ZNF536: variants seen among roughly 807,000 people sequenced by gnomAD.
The protein encoded by ZNF536 is zinc finger protein 536.
Under a neutral mutation model 84.5 loss-of-function variants are expected in ZNF536, and 13 were observed. The ratio of observed to expected loss-of-function variants is 0.15; its 90% CI spans 0.10 to 0.24. The LOEUF (loss-of-function observed/expected upper bound fraction) is 0.24, where lower values mean the gene tolerates loss of function less well. ZNF536 is among the 10% of genes least tolerant of loss of function. ZNF536 has a pLI of 1.00. For missense variants in ZNF536, 1,536 were observed against 1,747.5 expected, an observed-to-expected ratio of 0.88 and a Z score of 2.16; for synonymous variants, 811 against 742.5, an observed-to-expected ratio of 1.09 and a Z score of -1.50.
intron 1 of ZNF536, among the ~76,000 whole-genome samples, chr19:30,669,705 G>A (rs2050471443): frequency 6.6e-6 from 1 of 152,248 alleles, no homozygotes; most frequent in African/African-American, 2.4e-5. Context: ...GTGGGGTAGA[G>A]GGCACCAACT....
intron 3 of ZNF536, among the ~76,000 whole-genome samples, chr19:30,355,479 C>A (rs2048063745): frequency 1.3e-5 from 2 of 152,150 alleles, no homozygotes; most frequent in Admixed American, 6.5e-5. Flanking sequence ...CCTCGACCTC[C>A]TGGGCTCATG....
intron 2 of ZNF536, among the ~76,000 whole-genome samples, chr19:30,491,558 C>A (rs549965297): frequency 7.7e-4 from 117 of 152,334 alleles, no homozygotes; most frequent in African/African-American, 2.5e-3. Flanking sequence ...GTCCCCTGCC[C>A]TCCCCTCCCG....
rs544341157 is a variant in ZNF536 at position 30,646,383 on chromosome 19, C to T, written c.170-64374C>T. 2.9e-4 allele frequency among the ~76,000 whole-genome samples: 44 copies of T among 152,312 alleles called. No individual in the cohort carries two copies. The South Asian group carries it at 3.1e-3, about 11-fold the overall frequency. ...ACACATGTTCACGACTGTGTGTACA[C>T]GTGTCTAGGAGCACGAATGTGCACA... On this transcript the variant is annotated intron_variant, in intron 1 of 1. Coordinates refer to the ZNF536 transcript ENST00000592773.
At chr19:30,460,449 CA>C (rs1380932202) in intron 2 of ZNF536, among the ~76,000 whole-genome samples, 1 of 152,176 alleles carries the variant, frequency 6.6e-6, no homozygotes, top group African/African-American at 2.4e-5. Context: ...CCTCCCTGAG[CA>C]AGGTGGTTTG....
chr19:30,362,920 G>A (rs547165225), intron 3 of ZNF536, among the ~76,000 whole-genome samples: 91 of 152,192 alleles, frequency 6.0e-4, no homozygotes, highest in African/African-American at 1.9e-3. Context: ...TTAGCCAGGC[G>A]TGATGGTGCG....
At position 30,263,865 on chromosome 19, in the gene ZNF536, AAC is replaced by A. The variant is rs573908568; in HGVS notation, c.-189-20193_-189-20192del. 3.3e-4 allele frequency among the ~76,000 whole-genome samples: 44 copies of A among 133,384 alleles called. 1 individual carries two copies. Among genetic ancestry groups the A allele is most frequent in the African/African-American group, 1.3e-3 (42 of 32,110 alleles). The allele number at this position is 133,384 out of a possible 152,430, so 87.5% of individuals were successfully genotyped here. A position where few individuals can be genotyped will look rare whatever the true frequency, so the allele number is the denominator to read the frequency against. ...CCAGACTGGGCTAGGCTGAAATTTA[AAC>A]ACACACACACACATACACACACACA... is the stretch of plus-strand genomic sequence containing the variant. On this transcript the variant is annotated intron_variant, in intron 1 of 5. Transcript: ENST00000585628.
At chr19:30,391,626 A>G (rs2049594720) in intron 1 of ZNF536, among the ~76,000 whole-genome samples, 1 of 152,186 alleles carries the variant, frequency 6.6e-6, no homozygotes, top group South Asian at 2.1e-4. Context: ...TTCAGGGTGA[A>G]CTTTATTCCT....
chr19:30,404,061 C>G (rs1385690822), intron 1 of ZNF536, among the ~76,000 whole-genome samples: 1 of 139,526 alleles, frequency 7.2e-6, no homozygotes, highest in Non-Finnish European at 1.5e-5. Context: ...TTAGAATCTC[C>G]TCATCACGGT....
At chr19:30,285,558 C>T (rs567630648) in intron 2 of ZNF536, among the ~76,000 whole-genome samples, 1 of 152,176 alleles carries the variant, frequency 6.6e-6, no homozygotes, top group Non-Finnish European at 1.5e-5. Flanking sequence ...CCTCTGTCAC[C>T]TGCTTCTGTC....
chr19:30,375,191 G>A (rs1027844588), intron 1 of ZNF536, among the ~76,000 whole-genome samples: 14 of 149,574 alleles, frequency 9.4e-5, no homozygotes, highest in African/African-American at 2.2e-4. Flanking sequence ...GCCTGCGTTC[G>A]TTGGCGCGGC....
At chr19:30,637,197 T>C (rs2049098584) in intron 1 of ZNF536, among the ~76,000 whole-genome samples, 2 of 152,250 alleles carry the variant, frequency 1.3e-5, no homozygotes, top group Admixed American at 6.5e-5. Flanking sequence ...ATATTCTTCA[T>C]GTCTTCCAGC....
intron 1 of ZNF536, among the ~76,000 whole-genome samples, chr19:30,423,404 T>C (rs1266206027): frequency 6.6e-6 from 1 of 152,180 alleles, no homozygotes; most frequent in African/African-American, 2.4e-5. Context: ...CCAATAGGGA[T>C]ACAGTAATAA....
intron 2 of ZNF536, among the ~76,000 whole-genome samples, chr19:30,512,793 T>C (rs746814265): frequency 2.0e-5 from 3 of 152,214 alleles, no homozygotes; most frequent in Non-Finnish European, 4.4e-5. Context: ...GGTTAATAAA[T>C]TCTGCAAGTT....
chr19:30,587,446 A>G (rs943367634), intron 1 of ZNF536, among the ~76,000 whole-genome samples: 2 of 152,214 alleles, frequency 1.3e-5, no homozygotes, highest in Non-Finnish European at 2.9e-5. Context: ...TATGGCAAGC[A>G]TGGTCTCCAT....
intron 1 of ZNF536, among the ~76,000 whole-genome samples, chr19:30,692,511 G>A (rs2051452952): frequency 6.6e-6 from 1 of 152,224 alleles, no homozygotes; most frequent in Admixed American, 6.5e-5. Flanking sequence ...ATGTGGTTTT[G>A]CTGAGGTTGT....
chr19:30,283,387 C>T (rs2045520133), intron 1 of ZNF536, among the ~76,000 whole-genome samples: 1 of 152,206 alleles, frequency 6.6e-6, no homozygotes, highest in South Asian at 2.1e-4. Flanking sequence ...TCCTTCTTGT[C>T]CTTTATCACC....
intron 1 of ZNF536, among the ~76,000 whole-genome samples, chr19:30,688,791 G>A (rs1427319702): frequency 6.6e-6 from 1 of 152,144 alleles, no homozygotes; most frequent in Non-Finnish European, 1.5e-5. Flanking sequence ...GGTAGCTCTG[G>A]CTCTTACTGG....
intron 1 of ZNF536, among the ~76,000 whole-genome samples, chr19:30,606,141 G>A (rs1332041460): frequency 7.7e-6 from 1 of 129,982 alleles, no homozygotes; most frequent in African/African-American, 2.8e-5. Flanking sequence ...GTGACAAAGT[G>A]AGACCTCATC....
chr19:30,404,659 G>A (rs1277961840), intron 1 of ZNF536, among the ~76,000 whole-genome samples: 1 of 152,158 alleles, frequency 6.6e-6, no homozygotes, highest in Non-Finnish European at 1.5e-5. Context: ...CTCCAACCAT[G>A]ATTTTCCTCT....
Sources: allele counts gnomAD v4.1 joint callset (sites outside exome capture counted in the v4.1 genomes callset), GRCh38; gene constraint gnomAD v4.1.1; transcripts MANE v1.5; gene names NCBI Gene and HGNC (gene_info 2026-07-23, HGNC 2026-07-21).